RBFOX1: variants seen among roughly 807,000 people sequenced by gnomAD.
RBFOX1 encodes the protein RNA binding fox-1 homolog 1.
Under a neutral mutation model 57.7 loss-of-function variants are expected in RBFOX1, and 8 were observed. The ratio of observed to expected loss-of-function variants is 0.14; its 90% CI spans 0.08 to 0.25. RBFOX1 has a LOEUF of 0.25. Among genes scored for constraint, RBFOX1 ranks in the 10% least tolerant of loss-of-function variants. The pLI is 1.00. For missense variants in RBFOX1, 611 were observed against 548.5 expected (o/e 1.11, Z -1.14); for synonymous variants, 326 against 222.4 (o/e 1.47, Z -4.15).
chr16:7,066,759 G>T (rs2056148859), intron 4 of RBFOX1, among the ~76,000 whole-genome samples: 2 of 152,134 alleles, frequency 1.3e-5, no homozygotes, highest in Non-Finnish European at 2.9e-5. Context: ...TGTATGCCAG[G>T]GTTTTCCAGG....
intron 3 of RBFOX1, among the ~76,000 whole-genome samples, chr16:5,638,365 C>T (rs2048754534): frequency 6.6e-6 from 1 of 152,168 alleles, no homozygotes; most frequent in Admixed American, 6.5e-5. Flanking sequence ...TTGTTTGGTA[C>T]TTGACAAGAT....
At chr16:6,584,481 C>T (rs867654165) in intron 2 of RBFOX1, among the ~76,000 whole-genome samples, 1 of 151,672 alleles carries the variant, frequency 6.6e-6, no homozygotes, top group African/African-American at 2.4e-5. Flanking sequence ...AATTCTCTTG[C>T]CTTAGCCTCC....
chr16:5,556,442 T>C (rs548227624), intron 2 of RBFOX1, among the ~76,000 whole-genome samples: 2 of 152,364 alleles, frequency 1.3e-5, no homozygotes, highest in African/African-American at 4.8e-5. Flanking sequence ...TCCAGGTCAT[T>C]TGACATTAGT....
chr16:7,265,082 T>G (rs2095074660), intron 4 of RBFOX1, among the ~76,000 whole-genome samples: 1 of 152,240 alleles, frequency 6.6e-6, no homozygotes, highest in African/African-American at 2.4e-5. Context: ...TCCCAGACCC[T>G]TTGTTCTAGC....
intron 3 of RBFOX1, among the ~76,000 whole-genome samples, chr16:6,999,332 C>G (rs746371836): frequency 4.0e-5 from 6 of 151,030 alleles, no homozygotes; most frequent in African/African-American, 1.5e-4. Context: ...GATGGGATGA[C>G]AGGCATGAGC....
chr16:6,316,289 T>C (rs1453842447), intron 1 of RBFOX1, among the ~76,000 whole-genome samples: 1 of 152,190 alleles, frequency 6.6e-6, no homozygotes, highest in Non-Finnish European at 1.5e-5. Context: ...GAGATTATAA[T>C]AGCCATTTGC....
chr16:7,596,883 T>C (rs1174643817), intron 8 of RBFOX1, among the ~76,000 whole-genome samples: 1 of 152,234 alleles, frequency 6.6e-6, no homozygotes, highest in African/African-American at 2.4e-5. Context: ...TGCTAGATGT[T>C]GCTTTCCTGA....
intron 2 of RBFOX1, among the ~76,000 whole-genome samples, chr16:6,353,438 T>G (rs1000518125): frequency 6.6e-6 from 1 of 151,882 alleles, no homozygotes; most frequent in Non-Finnish European, 1.5e-5. Context: ...AAATATAACT[T>G]GTCATTTATT....
chr16:5,710,274 C>G (rs2051437037), intron 3 of RBFOX1, among the ~76,000 whole-genome samples: 1 of 152,130 alleles, frequency 6.6e-6, no homozygotes, highest in African/African-American at 2.4e-5. Flanking sequence ...TGTCACACAG[C>G]TTGTAAGGGC....
intron 4 of RBFOX1, among the ~76,000 whole-genome samples, chr16:7,186,994 CAAAAAAA>C (rs35177784): frequency 2.9e-5 from 2 of 69,262 alleles, no homozygotes; most frequent in East Asian, 4.3e-4. Flanking sequence ...CCCACCTCCA[CAAAAAAA>C]AAAAAAAAAA....
chr16:6,324,064 T>C (rs754882416), intron 2 of RBFOX1, among the ~76,000 whole-genome samples: 78 of 152,308 alleles, frequency 5.1e-4, no homozygotes, highest in Non-Finnish European at 1.0e-3. Flanking sequence ...TGAGCCACCA[T>C]ACTCAGCCAA....
At chr16:5,649,906 A>T (rs542810530) in intron 3 of RBFOX1, among the ~76,000 whole-genome samples, 79 of 152,250 alleles carry the variant, frequency 5.2e-4, no homozygotes, top group Admixed American at 5.0e-3. Flanking sequence ...GATGTGAAGC[A>T]CTTCATCAGA....
chr16:5,423,234 G>GTACAAC (rs2067409078), intron 1 of RBFOX1, among the ~76,000 whole-genome samples: 1 of 152,060 alleles, frequency 6.6e-6, no homozygotes, highest in African/African-American at 2.4e-5. Context: ...GTGACATCTT[G>GTACAAC]TACAACTATA....
intron 3 of RBFOX1, among the ~76,000 whole-genome samples, chr16:5,623,581 C>T (rs138149488): frequency 0.012 from 1,839 of 152,240 alleles, 17 homozygotes; most frequent in South Asian, 0.035. Flanking sequence ...CAACTGCTTT[C>T]TTAAAGCCTC....
At chr16:5,359,563 G>A (rs187207814) in intron 1 of RBFOX1, among the ~76,000 whole-genome samples, 2 of 152,320 alleles carry the variant, frequency 1.3e-5, no homozygotes, top group South Asian at 2.1e-4. Flanking sequence ...CTGATGGTTA[G>A]GGATGTTGAG....
intron 2 of RBFOX1, among the ~76,000 whole-genome samples, chr16:6,341,317 T>G (rs1392674052): frequency 6.6e-6 from 1 of 152,172 alleles, no homozygotes; most frequent in African/African-American, 2.4e-5. Flanking sequence ...TGAGTCTCTT[T>G]CACATCAAAT....
At chr16:6,059,870 C>G (rs1490812931) in intron 1 of RBFOX1, among the ~76,000 whole-genome samples, 1 of 152,060 alleles carries the variant, frequency 6.6e-6, no homozygotes, top group African/African-American at 2.4e-5. Flanking sequence ...TATCCTGAGA[C>G]CCATAATGAC....
At chr16:7,258,751 C>G (rs909825751) in intron 4 of RBFOX1, among the ~76,000 whole-genome samples, 1 of 152,164 alleles carries the variant, frequency 6.6e-6, no homozygotes, top group Non-Finnish European at 1.5e-5. Flanking sequence ...CTAACCTCAA[C>G]TTTATTAGTT....
intron 2 of RBFOX1, among the ~76,000 whole-genome samples, chr16:6,487,164 G>C (rs896543401): frequency 6.6e-6 from 1 of 151,782 alleles, no homozygotes; most frequent in South Asian, 2.1e-4. Context: ...GTGTGTGTGT[G>C]TGTGTGTGTG....
Sources: allele counts gnomAD v4.1 joint callset (sites outside exome capture counted in the v4.1 genomes callset), GRCh38; gene constraint gnomAD v4.1.1; transcripts MANE v1.5; gene names NCBI Gene and HGNC (gene_info 2026-07-23, HGNC 2026-07-21).